The following TESK2 variants were observed in gnomAD, a reference collection of about 807,000 sequenced individuals.
TESK2 encodes dual specificity testis-specific protein kinase 2.
TESK2 carries 39 observed loss-of-function variants against 57.1 expected under a neutral mutation model. The observed-to-expected ratio is 0.68, with a 90% CI of 0.53 to 0.89. The LOEUF is 0.89. TESK2 is among the 40% of genes least tolerant of loss of function. The pLI is 0.00. For missense variants in TESK2, 646 were observed against 732.1 expected (o/e 0.88, Z 1.36); for synonymous variants, 249 against 267.9 (o/e 0.93, Z 0.69).
At chr1:45,407,901 TA>T (rs1377503149) in intron 3 of TESK2, among the ~76,000 whole-genome samples, 3 of 152,216 alleles carry the variant, frequency 2.0e-5, no homozygotes, top group Admixed American at 2.0e-4. Context: ...TTCTTCTGAA[TA>T]TGGATTTCCA....
At chr1:45,347,487 A>C (rs1206380148) in intron 7 of TESK2, 122 bp downstream of exon 7, 1 of 880,234 alleles carries the variant, frequency 1.1e-6, no homozygotes, top group African/African-American at 1.7e-5. Flanking sequence ...AATAGCTTGA[A>C]CTCGGGAGGC....
chr1:45,397,744 T>C (rs1396723267), intron 3 of TESK2, among the ~76,000 whole-genome samples: 4 of 152,178 alleles, frequency 2.6e-5, no homozygotes, highest in South Asian at 2.1e-4. Flanking sequence ...TACTTCCATA[T>C]TGTTGTGAGA....
intron 3 of TESK2, among the ~76,000 whole-genome samples, chr1:45,409,904 C>T (rs569074147): frequency 1.3e-5 from 2 of 152,272 alleles, no homozygotes; most frequent in South Asian, 4.1e-4. Flanking sequence ...GTGGCTCACA[C>T]CTGTAATACC....
intron 2 of TESK2, among the ~76,000 whole-genome samples, chr1:45,431,714 C>T (rs1038711108): frequency 1.3e-5 from 2 of 152,106 alleles, no homozygotes; most frequent in African/African-American, 4.8e-5. Flanking sequence ...GAAGGATTCC[C>T]AGAGGAAGTC....
intron 3 of TESK2, among the ~76,000 whole-genome samples, chr1:45,399,913 T>C (rs540336290): frequency 2.0e-5 from 3 of 152,328 alleles, no homozygotes; most frequent in Non-Finnish European, 2.9e-5. Flanking sequence ...ATTTTACTAA[T>C]ATTTAATTAT....
intron 1 of TESK2, among the ~76,000 whole-genome samples, chr1:45,462,339 C>G (rs1322827972): frequency 2.6e-5 from 4 of 151,780 alleles, no homozygotes; most frequent in African/African-American, 9.7e-5. Context: ...GTGGCGTGAT[C>G]TCCGCTCACT....
chr1:45,489,221 T>C (rs1265677319), intron 1 of TESK2, among the ~76,000 whole-genome samples: 1 of 152,192 alleles, frequency 6.6e-6, no homozygotes, highest in African/African-American at 2.4e-5. Flanking sequence ...CACTCCCTTC[T>C]TGAAATCCTT....
At chr1:45,380,290 GA>G (rs1648602962) in intron 4 of TESK2, among the ~76,000 whole-genome samples, 1 of 152,150 alleles carries the variant, frequency 6.6e-6, no homozygotes, top group African/African-American at 2.4e-5. Flanking sequence ...CCTGATCAGA[GA>G]GTACTGCCAT....
intron 1 of TESK2, among the ~76,000 whole-genome samples, chr1:45,458,535 A>C (rs1652204707): frequency 6.6e-6 from 1 of 151,742 alleles, no homozygotes; most frequent in Non-Finnish European, 1.5e-5. Flanking sequence ...ACTGCACTCC[A>C]GCCTGGGCAA....
chr1:45,415,971 A>T (rs924715328), intron 3 of TESK2, among the ~76,000 whole-genome samples: 6 of 151,016 alleles, frequency 4.0e-5, no homozygotes, highest in Non-Finnish European at 8.8e-5. Context: ...TTAGCTCATC[A>T]GCTATTGTTA....
intron 4 of TESK2, among the ~76,000 whole-genome samples, chr1:45,383,937 GT>G (rs1324313173): frequency 6.6e-6 from 1 of 152,072 alleles, no homozygotes; most frequent in African/African-American, 2.4e-5. Flanking sequence ...TTATACTTCA[GT>G]AAAAAGTCTA....
chr1:45,449,587 A>G (rs1384740892), intron 2 of TESK2, among the ~76,000 whole-genome samples: 1 of 152,190 alleles, frequency 6.6e-6, no homozygotes, highest in Non-Finnish European at 1.5e-5. Context: ...ATTTCATGCT[A>G]TCAAGAGTGT....
chr1:45,359,701 T>A (rs1222199439), intron 4 of TESK2, among the ~76,000 whole-genome samples: 2 of 151,744 alleles, frequency 1.3e-5, no homozygotes, highest in Non-Finnish European at 2.9e-5. Flanking sequence ...CCATCTCTAC[T>A]AAAGATACAA....
intron 1 of TESK2, among the ~76,000 whole-genome samples, chr1:45,479,135 C>CA (rs1373146312): frequency 1.3e-5 from 2 of 151,838 alleles, no homozygotes; most frequent in Non-Finnish European, 2.9e-5. Context: ...TTATAATCGC[C>CA]AAAAAAATTT....
At chr1:45,382,301 C>T (rs528480307) in intron 4 of TESK2, among the ~76,000 whole-genome samples, 35 of 151,848 alleles carry the variant, frequency 2.3e-4, no homozygotes, top group African/African-American at 8.4e-4. Context: ...TACAGTAGTG[C>T]AAGTATGGCT....
chr1:45,365,677 CTTTT>C (rs34671575), intron 4 of TESK2, among the ~76,000 whole-genome samples: 1 of 106,802 alleles, frequency 9.4e-6, no homozygotes. Context: ...CCACGCCCGG[CTTTT>C]TTTTTTTTTT....
At chr1:45,475,901 T>G (rs1213233815) in intron 1 of TESK2, among the ~76,000 whole-genome samples, 2 of 152,244 alleles carry the variant, frequency 1.3e-5, no homozygotes, top group Non-Finnish European at 2.9e-5. Context: ...TTTGGACTCT[T>G]GGACTTACAC....
At chr1:45,374,517 A>G (rs1448874072) in intron 4 of TESK2, among the ~76,000 whole-genome samples, 1 of 152,196 alleles carries the variant, frequency 6.6e-6, no homozygotes. Flanking sequence ...AGAGGGAGAA[A>G]AAAAAAGCTT....
At chr1:45,416,460 A>G (rs568208769) in intron 3 of TESK2, among the ~76,000 whole-genome samples, 39 of 152,100 alleles carry the variant, frequency 2.6e-4, no homozygotes, top group African/African-American at 6.7e-4. Context: ...TAATCATACT[A>G]TAGTACTACT....
Sources: allele counts gnomAD v4.1 joint callset (sites outside exome capture counted in the v4.1 genomes callset), GRCh38; gene constraint gnomAD v4.1.1; transcripts MANE v1.5; gene names NCBI Gene and HGNC (gene_info 2026-07-23, HGNC 2026-07-21).